Variants in ABCC4 observed in about 807,000 individuals in gnomAD.
ABCC4 encodes the protein ATP-binding cassette sub-family C member 4.
Under a neutral mutation model 168.5 loss-of-function variants are expected in ABCC4, and 102 were observed. The ratio of observed to expected loss-of-function variants is 0.61; its 90% CI spans 0.52 to 0.71. The LOEUF (loss-of-function observed/expected upper bound fraction) is 0.71, where lower values mean the gene tolerates loss of function less well. ABCC4 is among the 30% of genes least tolerant of loss of function. ABCC4 has a pLI of 0.00. For missense variants in ABCC4, 1,402 were observed against 1,605.8 expected (o/e 0.87, Z 2.17); for synonymous variants, 617 against 590.7 (o/e 1.04, Z -0.65).
In ABCC4 at chr13:95,172,149, A is replaced by C. The variant is rs527834809; in HGVS notation, c.1728-1521T>G. Among the ~76,000 whole-genome samples, 477 of 152,338 alleles carry C rather than the reference A, an allele frequency of 3.1e-3. 1 individual carries two copies. The highest frequency in any genetic ancestry group is 0.011 in the African/African-American group (467 of 41,574). On this transcript the variant is annotated intron_variant, in intron 13 of 30. Transcript: ENST00000645237. ...TAATTGATGGCTTGAAATTTTTTCT[A>C]AATTATGCTTCTTAGGCAAATCTCA... is the stretch of plus-strand genomic sequence containing the variant.
At chr13:95,264,308 G>A (rs866197259) in intron 1 of ABCC4, among the ~76,000 whole-genome samples, 10 of 151,966 alleles carry the variant, frequency 6.6e-5, no homozygotes, top group Admixed American at 5.9e-4. Context: ...AGCCATCCAC[G>A]GTTGCTAAAA....
At chr13:95,056,289 T>C (rs1186874076) in intron 26 of ABCC4, among the ~76,000 whole-genome samples, 2 of 152,212 alleles carry the variant, frequency 1.3e-5, no homozygotes, top group Non-Finnish European at 2.9e-5. Flanking sequence ...CTGAAGACCT[T>C]GATTCAGGGC....
chr13:95,208,608 C>CTTTTTTTTTTTT (rs58749262), intron 6 of ABCC4, among the ~76,000 whole-genome samples: 2 of 74,636 alleles, frequency 2.7e-5, no homozygotes, highest in East Asian at 4.8e-4. Context: ...AGCTGTATTT[C>CTTTTTTTTTTTT]TTTTTTTTTT....
chr13:95,048,596 A>G (rs2032693406), intron 27 of ABCC4, among the ~76,000 whole-genome samples: 1 of 152,238 alleles, frequency 6.6e-6, no homozygotes, highest in Admixed American at 6.5e-5. Flanking sequence ...CAGGCCTGGG[A>G]AAAATGGAGG....
chr13:95,210,362 A>G (rs2139684069), intron 5 of ABCC4, among the ~76,000 whole-genome samples: 1 of 152,358 alleles, frequency 6.6e-6, no homozygotes, highest in South Asian at 2.1e-4. Context: ...GTAGTTCATG[A>G]GCATGATAAT....
chr13:95,234,743 G>A lies in ABCC4; in HGVS notation c.398C>T (p.Thr133Ile). Residue 133 changes from threonine to isoleucine, a missense_variant, in exon 4 of 31, where the codon ACA becomes ATA. By Grantham distance (89) the Thr-to-Ile change is moderately conservative (BLOSUM62 -1). Coordinates refer to ENST00000645237, the MANE Select transcript of ABCC4 (RefSeq NM_005845.5). Reference protein sequence around the residue: ...YDPMDSVALNTAYAYATVLTF... With the variant: ...YDPMDSVALNIAYAYATVLTF... ...CAGCACCGTGGCATAGGCGTACGCT[G>A]TGTTCAAAGCCACAGAATCCATGGG... is the stretch of plus-strand genomic sequence containing the variant. The A allele has an allele frequency of 2.5e-6, 4 of 1,613,982 alleles. No homozygotes were observed. The highest frequency in any genetic ancestry group is 3.4e-6 in the Non-Finnish European group (4 of 1,179,956).
chr13:95,121,369 C>A (rs1240373894), intron 19 of ABCC4, among the ~76,000 whole-genome samples: 1 of 151,406 alleles, frequency 6.6e-6, no homozygotes, highest in East Asian at 1.9e-4. Context: ...GATTATAGAG[C>A]TTAAATGGGT....
At chr13:95,043,858 C>A (rs553689504) in intron 28 of ABCC4, 71 bp from the exon 29 acceptor site, 2 of 1,024,502 alleles carry the variant, frequency 2.0e-6, no homozygotes, top group African/African-American at 1.6e-5. Flanking sequence ...AAAAGCTCTA[C>A]TTCACAATAG....
intron 8 of ABCC4, among the ~76,000 whole-genome samples, chr13:95,201,650 A>T (rs1364564072): frequency 1.3e-5 from 2 of 152,184 alleles, no homozygotes; most frequent in Non-Finnish European, 2.9e-5. Context: ...TCACGTATGG[A>T]GAGCCCAAAA....
chr13:95,208,025 G>T, intron 6 of ABCC4, 100 bp from the exon 7 acceptor site: 1 of 1,393,560 alleles, frequency 7.2e-7, no homozygotes, highest in Non-Finnish European at 9.8e-7. Context: ...GTTCCCTACA[G>T]CGCTTTTGCT....
intron 27 of ABCC4, among the ~76,000 whole-genome samples, chr13:95,045,899 G>A (rs2032556478): frequency 6.6e-6 from 1 of 152,176 alleles, no homozygotes; most frequent in African/African-American, 2.4e-5. Flanking sequence ...GTGATCTTGA[G>A]TTGTACTCAT....
chr13:95,228,543 T>C (rs2039531167), intron 4 of ABCC4, among the ~76,000 whole-genome samples: 1 of 151,368 alleles, frequency 6.6e-6, no homozygotes, highest in Non-Finnish European at 1.5e-5. Flanking sequence ...GAGAGGTCAA[T>C]GTAGGCGCAT....
At chr13:95,114,489 CG>C (rs1680242263) in intron 20 of ABCC4, among the ~76,000 whole-genome samples, 1 of 151,940 alleles carries the variant, frequency 6.6e-6, no homozygotes, top group South Asian at 2.1e-4. Flanking sequence ...TCTATGTAAA[CG>C]GGGCAACTGT....
Position 95,188,707 on chromosome 13 carries a change from T to C in ABCC4, c.1264-165A>G, listed in dbSNP as rs116503131. On this transcript the variant is annotated intron_variant, in intron 9 of 30. Transcript: ENST00000645237. ...TCCTAGAGTCCTTTTCATACAATCA[T>C]ATTTTTTTGGTGGGGTTTTACACAG... 3.3e-3 allele frequency among the ~76,000 whole-genome samples: 498 copies of C among 152,316 alleles called. 2 individuals are homozygous for C. Among genetic ancestry groups the C allele is most frequent in the African/African-American group, 0.011 (477 of 41,554 alleles).
At chr13:95,299,740 G>A (rs1233300622) in intron 1 of ABCC4, among the ~76,000 whole-genome samples, 2 of 152,090 alleles carry the variant, frequency 1.3e-5, no homozygotes, top group African/African-American at 4.8e-5. Flanking sequence ...GAAAGATGAG[G>A]CGGCAGAGGT....
At chr13:95,035,871 A>G (rs1391039957) in intron 29 of ABCC4, among the ~76,000 whole-genome samples, 1 of 152,212 alleles carries the variant, frequency 6.6e-6, no homozygotes, top group Non-Finnish European at 1.5e-5. Context: ...AGCAGGACAC[A>G]GGTTGTTTTT....
At chr13:95,159,928 G>A (rs937631932) in intron 19 of ABCC4, among the ~76,000 whole-genome samples, 2 of 152,148 alleles carry the variant, frequency 1.3e-5, no homozygotes, top group African/African-American at 4.8e-5. Context: ...TGGCTTCATT[G>A]TCACTAACAT....
intron 19 of ABCC4, among the ~76,000 whole-genome samples, chr13:95,138,341 G>A (rs2139471610): frequency 6.6e-6 from 1 of 152,216 alleles, no homozygotes; most frequent in East Asian, 1.9e-4. Flanking sequence ...AAATATGTTG[G>A]TTTACTCCTC....
In ABCC4 at chr13:95,285,248, T is replaced by TTAAA. The variant is rs562678175; in HGVS notation, c.74+15989_74+15992dup. ...GGGCAACAGAGTGAGACTCCGTCTC[T>TTAAA]TAAATAAATAAATAAATAGGGGCCA... On this transcript the variant is annotated intron_variant, in intron 1 of 30. Coordinates refer to ENST00000645237, the MANE Select transcript of ABCC4 (RefSeq NM_005845.5). Among the ~76,000 whole-genome samples, 192 of 127,222 alleles carry TTAAA rather than the reference T, an allele frequency of 1.5e-3. 1 individual carries two copies. Among genetic ancestry groups the TTAAA allele is most frequent in the African/African-American group, 5.4e-3 (180 of 33,308 alleles). 83.5% of individuals were successfully genotyped at this position (127,222 alleles called of 152,430 possible). A position where few individuals can be genotyped will look rare whatever the true frequency, so the allele number is the denominator to read the frequency against.
Sources: gnomAD v4.1 joint callset for allele counts (sites outside exome capture counted in the v4.1 genomes callset) on GRCh38, gnomAD v4.1.1 for gene constraint, MANE v1.5 for transcripts, NCBI Gene and HGNC (gene_info 2026-07-23, HGNC 2026-07-21) for gene names.